PFKP: variants seen among roughly 807,000 people sequenced by gnomAD.
PFKP encodes phosphofructokinase, platelet, also known as ATP-dependent 6-phosphofructokinase, platelet type.
Under a neutral mutation model 94.3 loss-of-function variants are expected in PFKP, and 101 were observed. That is an observed-to-expected ratio of 1.07 (90% CI 0.91 to 1.26). The LOEUF (loss-of-function observed/expected upper bound fraction) is 1.26. PFKP is among the 50% of genes most tolerant of loss of function. PFKP has a pLI of 0.00. For missense variants in PFKP, 1,145 were observed against 1,103.3 expected (o/e 1.04, Z -0.53); for synonymous variants, 573 against 432.6 (o/e 1.32, Z -4.03).
chr10:3,085,386 C>T (rs528632102), intron 2 of PFKP, among the ~76,000 whole-genome samples: 4 of 738 alleles, frequency 5.4e-3, no homozygotes, highest in East Asian at 0.038. Flanking sequence ...TCCCCCACTC[C>T]ACTCTCCAGC....
chr10:3,122,218 T>A (rs1166643878), intron 16 of PFKP, among the ~76,000 whole-genome samples: 2 of 108,966 alleles, frequency 1.8e-5, no homozygotes, highest in African/African-American at 5.2e-5. Flanking sequence ...TAAGTGCATG[T>A]GTGTGTCCTT....
intron 1 of PFKP, among the ~76,000 whole-genome samples, chr10:3,071,427 G>GTTTT (rs569603765): frequency 4.4e-3 from 405 of 92,272 alleles, no homozygotes; most frequent in Middle Eastern, 5.9e-3. Flanking sequence ...GTCTCAGGCT[G>GTTTT]TTTTTTTTTT....
chr10:3,135,102 CTT>C (rs924702818), intron 20 of PFKP, among the ~76,000 whole-genome samples: 2 of 152,128 alleles, frequency 1.3e-5, no homozygotes, highest in Non-Finnish European at 2.9e-5. Flanking sequence ...AGAAACATGA[CTT>C]TTTTATAATA....
At position 3,103,934 on chromosome 10, in the gene PFKP, A is replaced by G. The variant is rs761044885; in HGVS notation, c.610A>G (p.Thr204Ala). 1 of 1,613,518 alleles carries G rather than the reference A, an allele frequency of 6.2e-7. No homozygotes were observed. Among genetic ancestry groups the G allele is most frequent in the Non-Finnish European group, 8.5e-7 (1 of 1,179,996 alleles). Residue 204 changes from threonine to alanine, a missense_variant, in exon 5 of 22, where the codon ACG becomes GCG. Thr to Ala is a moderately conservative substitution (Grantham distance 58, BLOSUM62 0). This residue lies in a region of PFKP where 1,119 missense variants were observed against 1,062.8 expected (regional missense o/e 1.05). Transcript: ENST00000381125. ...IIEVVDAIMTTAQSHQRTFVL... is the reference protein window; with the variant it reads ...IIEVVDAIMTAAQSHQRTFVL... ...CGAGGTCGTCGACGCCATCATGACC[A>G]CGGCCCAGAGGTAAAGCGCTCAGAG...
chr10:3,117,296 A>T (rs945890885), intron 14 of PFKP, among the ~76,000 whole-genome samples: 2 of 152,180 alleles, frequency 1.3e-5, no homozygotes, highest in African/African-American at 4.8e-5. Context: ...GACCCAAGGA[A>T]TTCTAGTCTA....
intron 2 of PFKP, among the ~76,000 whole-genome samples, chr10:3,090,414 C>T (rs1053319625): frequency 1.3e-4 from 20 of 152,198 alleles, no homozygotes; most frequent in African/African-American, 4.1e-4. Context: ...CTGAGACTAA[C>T]GGGGCAGAGG....
chr10:3,102,012 G>C (rs1835044444), intron 4 of PFKP, among the ~76,000 whole-genome samples: 1 of 150,674 alleles, frequency 6.6e-6, no homozygotes, highest in African/African-American at 2.4e-5. Context: ...AGCACTTTGG[G>C]AGGCCGAGGC....
chr10:3,093,581 A>T (rs1202114681), intron 2 of PFKP, among the ~76,000 whole-genome samples: 1 of 150,932 alleles, frequency 6.6e-6, no homozygotes, highest in Non-Finnish European at 1.5e-5. Flanking sequence ...TCGTTGGAAC[A>T]TTGTCCAACA....
rs1214043059 is a variant in PFKP at position 3,134,620 on chromosome 10, G to A, written c.2122+38G>A. 1.1e-5 allele frequency: 15 copies of A among 1,323,554 alleles called. No homozygotes were observed. In the East Asian group the frequency reaches 1.1e-4, roughly 10 times the overall value. The allele number at this position is 1,323,554 out of a possible 1,614,324, so 82.0% of individuals were successfully genotyped here. On this transcript the variant is annotated intron_variant, in intron 20 of 21. Transcript: ENST00000381125. Reference sequence around the variant, plus strand: ...GGGAGGGAGGCCACAGCCTCGTGATGCAGGCCGTCCTGCCTTGGTGAAAAT... The same window carrying A: ...GGGAGGGAGGCCACAGCCTCGTGATACAGGCCGTCCTGCCTTGGTGAAAAT...
rs1207695846 is a variant in PFKP at position 3,103,723 on chromosome 10, C to A, written c.455-56C>A. ...ATTCTGCCTCACCCCTAGTGGGGCA[C>A]CCCCCGAACGCGCCATGGTTACGGC... On this transcript the variant is annotated intron_variant, in intron 4 of 21. Coordinates refer to ENST00000381125, the MANE Select transcript of PFKP (RefSeq NM_002627.5). 3.2e-6 allele frequency: 5 copies of A among 1,586,564 alleles called. No homozygotes were observed. In the South Asian group the frequency reaches 3.4e-5, roughly 11 times the overall value.
At chr10:3,119,192 A>C (rs923802976) in intron 15 of PFKP, among the ~76,000 whole-genome samples, 1 of 152,228 alleles carries the variant, frequency 6.6e-6, no homozygotes, top group Non-Finnish European at 1.5e-5. Flanking sequence ...GTGGCTACTT[A>C]GAGACTAAGG....
intron 18 of PFKP, 26 bp from the exon 19 acceptor site, chr10:3,133,175 CAA>C (rs1162114078): frequency 1.3e-6 from 2 of 1,572,268 alleles, no homozygotes; most frequent in African/African-American, 2.7e-5. Context: ...GCACGCTAAA[CAA>C]AGTGACTCCT....
At position 3,074,188 on chromosome 10, in the gene PFKP, G is replaced by A. The variant is rs369804399; in HGVS notation, c.112+6481G>A. Among the ~76,000 whole-genome samples the A allele has an allele frequency of 9.8e-5, 15 of 152,294 alleles. 1 individual carries two copies. The East Asian group carries it at 2.9e-3, about 29-fold the overall frequency. ...TTGTGCATGTTAACAGACTGCCTTG[G>A]GTGAGTCAGGACAGGATTTTGGCAA... On this transcript the variant is annotated intron_variant, in intron 1 of 21. Coordinates refer to ENST00000381125, the MANE Select transcript of PFKP (RefSeq NM_002627.5).
intron 17 of PFKP, among the ~76,000 whole-genome samples, chr10:3,130,551 AAT>A: frequency 6.6e-6 from 1 of 152,066 alleles, no homozygotes; most frequent in African/African-American, 2.4e-5. Flanking sequence ...TGGCAGATAA[AAT>A]GCAACTTGAA....
intron 19 of PFKP, among the ~76,000 whole-genome samples, chr10:3,133,764 CA>C (rs1312748108): frequency 6.6e-5 from 10 of 152,226 alleles, no homozygotes; most frequent in African/African-American, 2.2e-4. Flanking sequence ...TGCCAAACAT[CA>C]CCAGCTTTAG....
intron 4 of PFKP, among the ~76,000 whole-genome samples, chr10:3,102,601 T>G (rs1484447181): frequency 6.6e-6 from 1 of 152,106 alleles, no homozygotes; most frequent in Non-Finnish European, 1.5e-5. Context: ...TTTTATTTAT[T>G]TTTTATTTTT....
chr10:3,111,959 CCTT>C (rs1030008435), intron 10 of PFKP, among the ~76,000 whole-genome samples: 19 of 152,204 alleles, frequency 1.2e-4, no homozygotes, highest in Admixed American at 1.2e-3. Context: ...GCAGGTGACA[CCTT>C]CTCTTTTTCC....
chr10:3,084,278 TGCTGTGTGCC>T lies in PFKP; in HGVS notation c.186+1827_186+1836del, dbSNP rs1313423909. Among the ~76,000 whole-genome samples the T allele has an allele frequency of 7.2e-5, 11 of 152,336 alleles. No individual in the cohort carries two copies. The Middle Eastern group carries it at 0.01, about 141-fold the overall frequency. On this transcript the variant is annotated intron_variant, in intron 2 of 21. Transcript: ENST00000381125. ...GGCGGTGCTCTAGCTCCCATGATGA[TGCTGTGTGCC>T]GCTGTGTGCGGCGGCCTTCTGAGCA...
chr10:3,109,869 C>T (rs114882127), intron 10 of PFKP, among the ~76,000 whole-genome samples: 2,433 of 151,624 alleles, frequency 0.016, 64 homozygotes, highest in African/African-American at 0.056. Context: ...TGCAGGGAGG[C>T]GGGCGTGAGA....
Sources: gnomAD v4.1 joint callset for allele counts (sites outside exome capture counted in the v4.1 genomes callset) on GRCh38, gnomAD v4.1.1 for gene constraint, gnomAD v4.1.1 regional missense constraint, MANE v1.5 for transcripts, NCBI Gene and HGNC (gene_info 2026-07-23, HGNC 2026-07-21) for gene names.